The following STX17 variants were observed in gnomAD, a reference collection of about 807,000 sequenced individuals.
The protein encoded by STX17 is syntaxin 17, also known as syntaxin-17.
A neutral mutation model predicts 35.9 loss-of-function variants in STX17; 29 were observed. The observed-to-expected ratio is 0.81, with a 90% CI of 0.60 to 1.10. The LOEUF (loss-of-function observed/expected upper bound fraction) is 1.10, where lower values mean the gene tolerates loss of function less well. Among genes scored for constraint, STX17 ranks in the 50% least tolerant of loss-of-function variants. STX17 has a pLI of 0.00. For synonymous variants in STX17, 92 were observed against 118.3 expected, an observed-to-expected ratio of 0.78 and a Z score of 1.44; for missense variants, 312 against 352.3, an observed-to-expected ratio of 0.89 and a Z score of 0.92.
At chr9:99,966,269 A>G (rs1425737375) in intron 6 of STX17, among the ~76,000 whole-genome samples, 1 of 152,222 alleles carries the variant, frequency 6.6e-6, no homozygotes, top group Non-Finnish European at 1.5e-5. Flanking sequence ...TTTCTTAGGC[A>G]TTGTTTTAGA....
At chr9:99,963,471 A>G (rs1439938997) in intron 6 of STX17, among the ~76,000 whole-genome samples, 1 of 152,220 alleles carries the variant, frequency 6.6e-6, no homozygotes, top group African/African-American at 2.4e-5. Flanking sequence ...ATTAGATCAG[A>G]TTCCTTCATT....
chr9:99,935,837 G>A (rs905617117), intron 3 of STX17, among the ~76,000 whole-genome samples: 37 of 152,116 alleles, frequency 2.4e-4, no homozygotes, highest in African/African-American at 8.0e-4. Flanking sequence ...CCAGGCAGAG[G>A]GACGACTCTG....
chr9:99,952,971 T>C (rs547022821), intron 4 of STX17, among the ~76,000 whole-genome samples: 1 of 152,014 alleles, frequency 6.6e-6, no homozygotes, highest in East Asian at 1.9e-4. Flanking sequence ...GGCACATGTA[T>C]ACATATGTAA....
chr9:99,953,885 G>C (rs1046795851), intron 4 of STX17: 1 of 151,978 alleles, frequency 6.6e-6, no homozygotes, highest in Middle Eastern at 3.2e-3. Context: ...CAGTAGAACT[G>C]TTCGGGATCA....
chr9:99,930,286 G>T, intron 3 of STX17, among the ~76,000 whole-genome samples: 1 of 148,352 alleles, frequency 6.7e-6, no homozygotes, highest in East Asian at 2.0e-4. Flanking sequence ...TCATTTTTTT[G>T]AGACAGAGTC....
chr9:99,918,437 CTCCTT>C (rs889295642), intron 2 of STX17, among the ~76,000 whole-genome samples: 4 of 151,990 alleles, frequency 2.6e-5, no homozygotes, highest in Admixed American at 6.6e-5. Context: ...TGTCTGGCCT[CTCCTT>C]TTCTTTTAAA....
At chr9:99,915,154 C>T in intron 1 of STX17, 24 bp from the exon 2 acceptor site, 1 of 1,402,224 alleles carries the variant, frequency 7.1e-7, no homozygotes, top group Non-Finnish European at 9.4e-7. Flanking sequence ...TGAAAACATT[C>T]TTAAAGAAAT....
Position 99,974,035 on chromosome 9 carries a change from C to T in STX17, c.*5362C>T, listed in dbSNP as rs28673001. On this transcript the variant is annotated 3_prime_UTR_variant, in exon 8 of 8. Transcript: ENST00000259400. ...AATAGTCAGCTGGGGGTTATTTAAG[C>T]TCTTGGACGAGCCTAAAACTTGTAT... is the stretch of plus-strand genomic sequence containing the variant. Among the ~76,000 whole-genome samples the T allele has an allele frequency of 5.2e-3, 796 of 152,282 alleles. 11 individuals are homozygous for T. Among genetic ancestry groups the T allele is most frequent in the African/African-American group, 0.018 (730 of 41,554 alleles).
chr9:99,952,010 G>T (rs1049570298), intron 4 of STX17, among the ~76,000 whole-genome samples: 16 of 151,986 alleles, frequency 1.1e-4, no homozygotes, highest in African/African-American at 3.9e-4. Context: ...CCAAAAGTCA[G>T]ATTTTTAAAC....
At chr9:99,950,967 A>T (rs1587933844) in intron 3 of STX17, 93 bp from the exon 4 acceptor site, 1 of 1,137,210 alleles carries the variant, frequency 8.8e-7, no homozygotes, top group East Asian at 2.5e-5. Context: ...TATTTGTTAT[A>T]ATTTCCATCC....
chr9:99,961,264 T>C (rs151002089), intron 6 of STX17, among the ~76,000 whole-genome samples: 1 of 152,244 alleles, frequency 6.6e-6, no homozygotes, highest in African/African-American at 2.4e-5. Flanking sequence ...AATAATGGCC[T>C]AAGAGAGGAG....
intron 2 of STX17, among the ~76,000 whole-genome samples, chr9:99,916,392 T>C (rs1258469837): frequency 1.5e-5 from 1 of 67,094 alleles, no homozygotes; most frequent in Non-Finnish European, 3.0e-5. Flanking sequence ...AGAACCTCCA[T>C]TTATTTATTT....
chr9:99,916,057 A>T (rs886491490), intron 2 of STX17: 1 of 455,840 alleles, frequency 2.2e-6, no homozygotes, highest in Non-Finnish European at 4.4e-6. Context: ...AGGTATACAT[A>T]CATTAAAGAA....
rs190859810 is a variant in STX17, at chr9:99,970,802, G to T, written c.*2129G>T. Among the ~76,000 whole-genome samples, 303 of 152,280 alleles carry T rather than the reference G, an allele frequency of 2.0e-3. 8 individuals are homozygous for T. Among genetic ancestry groups the T allele is most frequent in the Admixed American group, 0.017 (261 of 15,304 alleles). On this transcript the variant is annotated 3_prime_UTR_variant, in exon 8 of 8. Transcript: ENST00000259400. The stretch of plus-strand genomic sequence containing the variant: ...CCACCAACTTAGCGGCAGCACTAGG[G>T]ATTCATTATAAGGTAAATCTGGTTT...
intron 4 of STX17, 139 bp from the exon 5 acceptor site, chr9:99,959,778 T>C: frequency 1.4e-6 from 1 of 701,202 alleles, no homozygotes; most frequent in Non-Finnish European, 2.4e-6. Flanking sequence ...TCTATTTTTG[T>C]AGAATAATCA....
chr9:99,916,387 C>T (rs1047721312), intron 2 of STX17, among the ~76,000 whole-genome samples: 1 of 149,446 alleles, frequency 6.7e-6, no homozygotes, highest in Non-Finnish European at 1.5e-5. Flanking sequence ...GCTGCAGAAC[C>T]TCCATTTATT....
In STX17 at chr9:99,971,442, T is replaced by C. The variant is rs1490200907; in HGVS notation, c.*2769T>C. Among the ~76,000 whole-genome samples, 1 of 152,186 alleles carries C rather than the reference T, an allele frequency of 6.6e-6. No homozygotes were observed. Among genetic ancestry groups the C allele is most frequent in the Non-Finnish European group, 1.5e-5 (1 of 68,036 alleles). ...TACCATTCTGATGCTTTTTATTGTTTCAGTTTTTAAAATATGCCAGTTGCA... is the reference window on the plus strand; with the variant it reads ...TACCATTCTGATGCTTTTTATTGTTCCAGTTTTTAAAATATGCCAGTTGCA... On this transcript the variant is annotated 3_prime_UTR_variant, in exon 8 of 8. Coordinates refer to ENST00000259400, the MANE Select transcript of STX17 (RefSeq NM_017919.3).
intron 1 of STX17, among the ~76,000 whole-genome samples, chr9:99,911,058 C>T (rs574338722): frequency 1.3e-5 from 2 of 150,212 alleles, no homozygotes; most frequent in African/African-American, 2.5e-5. Context: ...TCTCCCTAGA[C>T]GGAGTCTCGC....
At position 99,968,481 on chromosome 9, in the gene STX17, C is replaced by G. The variant is rs767845986; in HGVS notation, c.717C>G (p.Ile239Met). The change falls in exon 8 of 8, where the codon ATC becomes ATG. Residue 239 changes from isoleucine to methionine, a missense_variant. Coordinates refer to ENST00000259400, the MANE Select transcript of STX17 (RefSeq NM_017919.3). The stretch of plus-strand genomic sequence containing the variant: ...CTCTGCCTGTGGCAGGTGCACTCAT[C>G]GGGGGAATGGTAGGGGGTCCTATTG... Reference protein sequence around the residue: ...LAALPVAGALIGGMVGGPIGL... With the variant: ...LAALPVAGALMGGMVGGPIGL... 6.2e-7 allele frequency: 1 copy of G among 1,601,560 alleles called. No homozygotes were observed. The highest frequency in any genetic ancestry group is 8.5e-7 in the Non-Finnish European group (1 of 1,173,396).
Sources: gnomAD v4.1 joint callset for allele counts (sites outside exome capture counted in the v4.1 genomes callset) on GRCh38, gnomAD v4.1.1 for gene constraint, MANE v1.5 for transcripts, NCBI Gene and HGNC (gene_info 2026-07-23, HGNC 2026-07-21) for gene names.